Variants in NNMT observed in about 807,000 individuals in gnomAD.
NNMT encodes nicotinamide N-methyltransferase.
Under a neutral mutation model 11.7 loss-of-function variants are expected in NNMT, and 10 were observed. The ratio of observed to expected loss-of-function variants is 0.85; its 90% confidence interval spans 0.53 to 1.45. The LOEUF is 1.45. Among genes scored for constraint, NNMT ranks in the 40% most tolerant of loss-of-function variants. The probability of loss-of-function intolerance (pLI) is 0.00; values close to 1 mark genes in which losing one functional copy is unlikely to be tolerated. For synonymous variants in NNMT, 143 were observed against 133.8 expected (o/e 1.07, Z -0.48); for missense variants, 381 against 319.4 (o/e 1.19, Z -1.47).
At chr11:114,260,794 C>T (rs972394247) in intron 1 of NNMT, among the ~76,000 whole-genome samples, 1 of 152,192 alleles carries the variant, frequency 6.6e-6, no homozygotes, top group Admixed American at 6.5e-5. Context: ...TTGGTGGCTG[C>T]CGTGCGGTGC....
intron 2 of NNMT, among the ~76,000 whole-genome samples, chr11:114,284,451 G>T (rs1945282070): frequency 6.6e-6 from 1 of 152,050 alleles, no homozygotes; most frequent in South Asian, 2.1e-4. Flanking sequence ...GGTTTTTTTT[G>T]TTTGTTTGTT....
Position 114,300,918 on chromosome 11 carries a change from A to G in NNMT, c.362+2760A>G, listed in dbSNP as rs762818534. Among the ~76,000 whole-genome samples the G allele has an allele frequency of 1.1e-4, 17 of 152,240 alleles. No homozygotes were observed. In the Middle Eastern group the frequency reaches 0.01, roughly 91 times the overall value. ...GGCCCCCAATAATCCTTGTGTCAGT[A>G]TTTTCACCTTTGTGTAATCCCCTTC... On this transcript the variant is annotated intron_variant, in intron 2 of 2. Transcript: ENST00000299964.
At chr11:114,263,016 C>T (rs1034667970) in intron 2 of NNMT, 4 of 152,174 alleles carry the variant, frequency 2.6e-5, no homozygotes, top group African/African-American at 9.7e-5. Flanking sequence ...GACACTGGCC[C>T]TCACCAGCTC....
chr11:114,311,756 G>T (rs936479653), intron 2 of NNMT, among the ~76,000 whole-genome samples: 4 of 152,168 alleles, frequency 2.6e-5, no homozygotes, highest in Admixed American at 1.3e-4. Context: ...AAGCAGTGAA[G>T]GAAGAATAAT....
chr11:114,309,282 G>A (rs980096893), intron 2 of NNMT, among the ~76,000 whole-genome samples: 1 of 152,142 alleles, frequency 6.6e-6, no homozygotes, highest in Non-Finnish European at 1.5e-5. Flanking sequence ...TTCTTAAAGT[G>A]TTCTATGAAA....
chr11:114,268,355 C>G (rs1349499420), intron 2 of NNMT, among the ~76,000 whole-genome samples: 1 of 152,162 alleles, frequency 6.6e-6, no homozygotes, highest in Non-Finnish European at 1.5e-5. Context: ...CCCACTTGTT[C>G]ACAGAGTTCC....
At position 114,304,139 on chromosome 11, in the gene NNMT, T is replaced by C. The variant is rs1260912410; in HGVS notation, c.362+5981T>C. ...ACAATATCTAAAGTTATTTAGTAAA[T>C]AAGGAAATTCCCAGGGTTTGTAGAA... is the stretch of plus-strand genomic sequence containing the variant. On this transcript the variant is annotated intron_variant, in intron 2 of 2. Transcript: ENST00000299964. Among the ~76,000 whole-genome samples the C allele has an allele frequency of 2.6e-5, 4 of 152,230 alleles. No homozygotes were observed. In the East Asian group the frequency reaches 7.7e-4, roughly 29 times the overall value.
chr11:114,285,917 G>A (rs547634016), intron 2 of NNMT, among the ~76,000 whole-genome samples: 1 of 152,322 alleles, frequency 6.6e-6, no homozygotes, highest in Admixed American at 6.5e-5. Flanking sequence ...AGAAGTCTGT[G>A]TCATCTCTGA....
chr11:114,307,412 C>A (rs1056226947), intron 2 of NNMT, among the ~76,000 whole-genome samples: 1 of 152,124 alleles, frequency 6.6e-6, no homozygotes, highest in Admixed American at 6.5e-5. Context: ...ATTTTACTTC[C>A]TGACTTCCTC....
intron 2 of NNMT, among the ~76,000 whole-genome samples, chr11:114,269,297 AACCTT>A (rs1165998280): frequency 6.6e-6 from 1 of 152,180 alleles, no homozygotes; most frequent in Admixed American, 6.5e-5. Flanking sequence ...GAAAAGTCTC[AACCTT>A]ACCTTAATCC....
chr11:114,259,900 C>T (rs1041724553), intron 1 of NNMT, among the ~76,000 whole-genome samples: 22 of 152,190 alleles, frequency 1.4e-4, no homozygotes, highest in Non-Finnish European at 2.8e-4. Context: ...CTCATGTCTT[C>T]CCAGGGAGGC....
chr11:114,309,371 G>A (rs1339495984), intron 2 of NNMT, among the ~76,000 whole-genome samples: 3 of 152,256 alleles, frequency 2.0e-5, no homozygotes, highest in African/African-American at 7.2e-5. Context: ...CTTTGTCCAG[G>A]ACTGCAAGGG....
At chr11:114,280,078 C>T (rs1462671843) in intron 2 of NNMT, among the ~76,000 whole-genome samples, 2 of 152,110 alleles carry the variant, frequency 1.3e-5, no homozygotes, top group East Asian at 3.9e-4. Flanking sequence ...TGAGAGTCTG[C>T]TATGTGCCAA....
At chr11:114,272,810 T>C (rs1945181601) in intron 2 of NNMT, among the ~76,000 whole-genome samples, 1 of 152,182 alleles carries the variant, frequency 6.6e-6, no homozygotes, top group Non-Finnish European at 1.5e-5. Flanking sequence ...TATCTTTTCA[T>C]GATTAACAGG....
chr11:114,308,390 T>G (rs1945511901), intron 2 of NNMT, among the ~76,000 whole-genome samples: 1 of 152,156 alleles, frequency 6.6e-6, no homozygotes, highest in East Asian at 1.9e-4. Flanking sequence ...TCTGATGCAC[T>G]GCCAGCCTTG....
At chr11:114,297,190 C>T (rs560828540) in intron 1 of NNMT, among the ~76,000 whole-genome samples, 90 of 152,294 alleles carry the variant, frequency 5.9e-4, no homozygotes, top group South Asian at 1.4e-3. Context: ...TTTACATTCT[C>T]CATGTAACAG....
At chr11:114,304,179 T>C (rs1945468080) in intron 2 of NNMT, among the ~76,000 whole-genome samples, 1 of 152,196 alleles carries the variant, frequency 6.6e-6, no homozygotes, top group Admixed American at 6.5e-5. Context: ...AGGGAAACTT[T>C]GTAATAAGTA....
At chr11:114,273,429 T>C (rs1052976717) in intron 2 of NNMT, among the ~76,000 whole-genome samples, 5 of 152,162 alleles carry the variant, frequency 3.3e-5, no homozygotes, top group Admixed American at 2.0e-4. Flanking sequence ...AGTCTCTCCC[T>C]AGCTGGAGAG....
intron 2 of NNMT, among the ~76,000 whole-genome samples, chr11:114,267,805 T>A (rs1945133393): frequency 6.6e-6 from 1 of 152,224 alleles, no homozygotes. Context: ...AATGAATTTT[T>A]CTCATTTAAC....
Sources: allele counts gnomAD v4.1 joint callset (sites outside exome capture counted in the v4.1 genomes callset), GRCh38; gene constraint gnomAD v4.1.1; transcripts MANE v1.5; gene names NCBI Gene and HGNC (gene_info 2026-07-23, HGNC 2026-07-21).